The following ZNF705A variants were observed in gnomAD, a reference collection of about 807,000 sequenced individuals.
ZNF705A encodes the protein zinc finger protein 705A.
ZNF705A carries 8 observed loss-of-function variants against 16.6 expected under a neutral mutation model. That is an observed-to-expected ratio of 0.48 (90% CI 0.28 to 0.87). The LOEUF (loss-of-function observed/expected upper bound fraction) is 0.87. ZNF705A is among the 40% of genes least tolerant of loss of function. The pLI is 0.10. For synonymous variants in ZNF705A, 73 were observed against 117.3 expected (o/e 0.62, Z 2.44); for missense variants, 233 against 359.9 (o/e 0.65, Z 2.85).
At position 8,174,365 on chromosome 12, in the gene ZNF705A, C is replaced by T. The variant is rs1565416216; in HGVS notation, c.52C>T (p.Gln18Ter). Residue 18 changes from glutamine (Q) to a stop codon, truncating the protein, a stop_gained, in exon 2 of 5, where the codon CAG (glutamine) becomes TAG (stop). Coordinates refer to ENST00000359286, the Ensembl canonical transcript of ZNF705A. LOFTEE classifies it high-confidence loss of function. The stretch of plus-strand genomic sequence containing the variant: ...TGAAGATGTAGCTATTGACTTCACC[C>T]AGGAAGAGTGGGCCATGATGGACAC... 1.9e-6 allele frequency: 3 copies of T among 1,596,780 alleles called. No individual in the cohort carries two copies. Among genetic ancestry groups the T allele is most frequent in the Non-Finnish European group, 2.5e-6 (3 of 1,179,344 alleles).
chr12:8,162,181 C>G (rs761237548), intron 1 of ZNF705A, among the ~76,000 whole-genome samples: 20 of 152,066 alleles, frequency 1.3e-4, no homozygotes, highest in Non-Finnish European at 2.1e-4. Flanking sequence ...CCAGAAGACA[C>G]CTTTTTGTAG....
chr12:8,170,190 C>T (rs1454823407), upstream of ZNF705A, among the ~76,000 whole-genome samples: 10 of 125,926 alleles, frequency 7.9e-5, no homozygotes, highest in Admixed American at 2.1e-4. Flanking sequence ...ACTCTCCCCC[C>T]CCCCCCAAAA....
At chr12:8,178,321 G>A (rs762443868) in exon 5 of ZNF705A, 1 of 152,948 alleles carries the variant, frequency 6.5e-6, no homozygotes, top group South Asian at 2.1e-4. Flanking sequence ...TACTGGAGAA[G>A]TTATGCAATG....
At chr12:8,157,801 GC>G (rs1173973997) in intron 1 of ZNF705A, among the ~76,000 whole-genome samples, 2 of 152,160 alleles carry the variant, frequency 1.3e-5, no homozygotes, top group Non-Finnish European at 2.9e-5. Flanking sequence ...AAAGGAAGGG[GC>G]TGAGACACAA....
intron 1 of ZNF705A, among the ~76,000 whole-genome samples, chr12:8,166,252 C>T (rs1948398277): frequency 6.6e-6 from 1 of 152,188 alleles, no homozygotes; most frequent in Non-Finnish European, 1.5e-5. Context: ...AAGTCTCCAC[C>T]CCAGCAGACT....
At chr12:8,174,947 TTG>T (rs922370088) in intron 2 of ZNF705A, among the ~76,000 whole-genome samples, 1 of 152,156 alleles carries the variant, frequency 6.6e-6, no homozygotes, top group Admixed American at 6.5e-5. Context: ...TCTGAAAAGA[TTG>T]TGTATTATGC....
Position 8,175,978 on chromosome 12 carries a change from T to G in ZNF705A, c.318+36T>G, listed in dbSNP as rs369446534. The G allele has an allele frequency of 1.3e-4, 210 of 1,609,394 alleles. No individual in the cohort carries two copies. In the African/African-American group the frequency reaches 2.0e-3, roughly 15 times the overall value. On this transcript the variant is annotated intron_variant, in intron 4 of 4. Coordinates refer to ENST00000359286, the Ensembl canonical transcript of ZNF705A. ...TAGCTGTGTACACCAGTCATCTAAG[T>G]TAAAGACATGGTAATGGGTTAAGTT...
At chr12:8,171,508 C>T (rs375773255), upstream of ZNF705A, among the ~76,000 whole-genome samples, 64 of 152,214 alleles carry the variant, frequency 4.2e-4, 3 homozygotes, top group East Asian at 7.3e-3. Context: ...ATTTTAGATA[C>T]CACGTTAGTA....
At chr12:8,165,684 C>T (rs1290553943) in intron 1 of ZNF705A, among the ~76,000 whole-genome samples, 2 of 152,006 alleles carry the variant, frequency 1.3e-5, no homozygotes, top group South Asian at 2.1e-4. Context: ...CCTTCCCTTC[C>T]CCCTCTAGTA....
chr12:8,169,623 C>T (rs1320252222), upstream of ZNF705A, among the ~76,000 whole-genome samples: 1 of 152,162 alleles, frequency 6.6e-6, no homozygotes, highest in African/African-American at 2.4e-5. Context: ...AATAATAGCA[C>T]TCTTCGAGAC....
At chr12:8,167,935 A>G (rs1288840911), upstream of ZNF705A, among the ~76,000 whole-genome samples, 1 of 152,216 alleles carries the variant, frequency 6.6e-6, no homozygotes, top group South Asian at 2.1e-4. Context: ...AAAAGAGAAG[A>G]GGCTTTAACC....
At chr12:8,164,378 C>T (rs927771965) in intron 1 of ZNF705A, among the ~76,000 whole-genome samples, 9 of 152,050 alleles carry the variant, frequency 5.9e-5, no homozygotes, top group Non-Finnish European at 1.0e-4. Context: ...AACATAATGC[C>T]CTCCAAGTCC....
chr12:8,173,242 T>G (rs952739055), intron 1 of ZNF705A, among the ~76,000 whole-genome samples: 8 of 152,244 alleles, frequency 5.3e-5, no homozygotes, highest in African/African-American at 1.7e-4. Context: ...ACTAAAGAAG[T>G]CATTATTATT....
exon 5 of ZNF705A, chr12:8,177,616 T>G (rs1298407044): frequency 6.4e-7 from 1 of 1,565,272 alleles, no homozygotes; most frequent in Non-Finnish European, 8.7e-7. Flanking sequence ...AAAAGCCATA[T>G]GAATGCCATT....
upstream of ZNF705A, among the ~76,000 whole-genome samples, chr12:8,169,898 A>T (rs1446076988): frequency 6.6e-6 from 1 of 152,116 alleles, no homozygotes; most frequent in Admixed American, 6.5e-5. Context: ...ATGACTTTTT[A>T]ACAGATCTGG....
At chr12:8,163,020 T>C (rs1948369214) in intron 1 of ZNF705A, among the ~76,000 whole-genome samples, 1 of 152,232 alleles carries the variant, frequency 6.6e-6, no homozygotes, top group Non-Finnish European at 1.5e-5. Context: ...AGTTGAATCA[T>C]GTGGCTATCT....
exon 5 of ZNF705A, chr12:8,179,497 G>T (rs1948514841): frequency 6.6e-6 from 1 of 152,198 alleles, no homozygotes; most frequent in Non-Finnish European, 1.5e-5. Context: ...AAGAGAAAAT[G>T]TTTCCTGAAT....
At chr12:8,172,662 CT>C (rs763940072) in intron 1 of ZNF705A, 25 bp downstream of exon 2, 2 of 1,596,306 alleles carry the variant, frequency 1.3e-6, no homozygotes. Context: ...CTTCTTTCTA[CT>C]GAAATTATAC....
chr12:8,166,329 G>A (rs187523174), intron 1 of ZNF705A, among the ~76,000 whole-genome samples: 18 of 152,200 alleles, frequency 1.2e-4, no homozygotes, highest in East Asian at 3.9e-4. Flanking sequence ...GATATGGTTC[G>A]GCTCTGTGTC....
Sources: gnomAD v4.1 joint callset for allele counts (sites outside exome capture counted in the v4.1 genomes callset) on GRCh38, gnomAD v4.1.1 for gene constraint, MANE v1.5 for transcripts, NCBI Gene and HGNC (gene_info 2026-07-23, HGNC 2026-07-21) for gene names.